TMEM132C: variants seen among roughly 807,000 people sequenced by gnomAD.
TMEM132C encodes the protein protein phosphatase 1, regulatory subunit 152.
A neutral mutation model predicts 61.4 loss-of-function variants in TMEM132C; 29 were observed. That is an observed-to-expected ratio of 0.47 (90% CI 0.35 to 0.64). The LOEUF is 0.64. Ranked by LOEUF, TMEM132C falls within the 30% of genes least tolerant of loss-of-function variation. The pLI is 0.00. For synonymous variants in TMEM132C, 656 were observed against 633.1 expected, an observed-to-expected ratio of 1.04 and a Z score of -0.54; for missense variants, 1,408 against 1,476.9, an observed-to-expected ratio of 0.95 and a Z score of 0.76.
intron 3 of TMEM132C, among the ~76,000 whole-genome samples, chr12:128,604,469 T>G (rs1165340489): frequency 6.7e-6 from 1 of 150,200 alleles, no homozygotes; most frequent in Non-Finnish European, 1.5e-5. Flanking sequence ...GATAGATAGA[T>G]GATACAAATG....
intron 2 of TMEM132C, among the ~76,000 whole-genome samples, chr12:128,533,627 A>G (rs1873408673): frequency 6.6e-6 from 1 of 151,984 alleles, no homozygotes; most frequent in Non-Finnish European, 1.5e-5. Flanking sequence ...TCCCCTTTTC[A>G]TAAGAACACT....
intron 2 of TMEM132C, among the ~76,000 whole-genome samples, chr12:128,419,619 C>T (rs1228314111): frequency 6.7e-6 from 1 of 149,104 alleles, no homozygotes; most frequent in Non-Finnish European, 1.5e-5. Flanking sequence ...GTCACTGTTT[C>T]CAAGTCTTCT....
intron 5 of TMEM132C, 57 bp downstream of exon 5, chr12:128,669,617 C>T (rs757967162): frequency 1.1e-4 from 165 of 1,533,388 alleles, no homozygotes; most frequent in Non-Finnish European, 1.2e-4. Flanking sequence ...TTGGACATCC[C>T]GTTTGCTAGG....
intron 1 of TMEM132C, among the ~76,000 whole-genome samples, chr12:128,414,020 T>G (rs1261081881): frequency 1.3e-5 from 2 of 152,238 alleles, no homozygotes; most frequent in Middle Eastern, 3.2e-3. Flanking sequence ...AGTTTGGTCT[T>G]ATGTACGGTG....
At chr12:128,482,969 C>A (rs956904954) in intron 2 of TMEM132C, among the ~76,000 whole-genome samples, 5 of 151,908 alleles carry the variant, frequency 3.3e-5, no homozygotes, top group Admixed American at 3.3e-4. Flanking sequence ...CTTGGCCAGG[C>A]ATGGTGACTC....
intron 3 of TMEM132C, among the ~76,000 whole-genome samples, chr12:128,574,924 G>A (rs1022599560): frequency 3.9e-5 from 6 of 152,012 alleles, no homozygotes; most frequent in African/African-American, 9.7e-5. Context: ...TTGTATTTGC[G>A]GCCCCTTTTC....
At chr12:128,681,018 T>G (rs146419585) in intron 5 of TMEM132C, among the ~76,000 whole-genome samples, 1 of 152,200 alleles carries the variant, frequency 6.6e-6, no homozygotes, top group Non-Finnish European at 1.5e-5. Context: ...TCGGGGAAGA[T>G]GTAGCTCTGG....
intron 5 of TMEM132C, among the ~76,000 whole-genome samples, chr12:128,676,387 T>G (rs1954587171): frequency 6.6e-6 from 1 of 152,192 alleles, no homozygotes; most frequent in Non-Finnish European, 1.5e-5. Flanking sequence ...TTTCATTTAT[T>G]TTTGTAGGCT....
chr12:128,520,340 C>T (rs1374106994), intron 2 of TMEM132C, among the ~76,000 whole-genome samples: 2 of 152,136 alleles, frequency 1.3e-5, no homozygotes, highest in Non-Finnish European at 2.9e-5. Context: ...TTTAGCTGGG[C>T]CCAGGACTAC....
rs1006215798 is a variant in TMEM132C, at chr12:128,313,118, C to T, written c.85+45631C>T. ...GGCCTGCAAGGGGGTGTCTTCTCAT[C>T]TGCTCTGGGTTGGGAAGGCAGGCTC... On this transcript the variant is annotated intron_variant, in intron 1 of 8. Coordinates refer to ENST00000435159, the MANE Select transcript of TMEM132C (RefSeq NM_001136103.3). 4.6e-5 allele frequency among the ~76,000 whole-genome samples: 7 copies of T among 152,254 alleles called. No homozygotes were observed. The South Asian group carries it at 1.4e-3, about 32-fold the overall frequency.
chr12:128,484,692 C>G (rs1409422937), intron 2 of TMEM132C, among the ~76,000 whole-genome samples: 1 of 152,172 alleles, frequency 6.6e-6, no homozygotes, highest in Non-Finnish European at 1.5e-5. Context: ...CGTGGCGACT[C>G]ATGCCTGTAA....
At chr12:128,325,193 T>C (rs954785665) in intron 1 of TMEM132C, among the ~76,000 whole-genome samples, 39 of 152,340 alleles carry the variant, frequency 2.6e-4, no homozygotes, top group African/African-American at 7.5e-4. Flanking sequence ...TAAGTGCTAG[T>C]GCTGCTGCTG....
chr12:128,338,418 G>A (rs1021944604), intron 1 of TMEM132C, among the ~76,000 whole-genome samples: 2 of 152,064 alleles, frequency 1.3e-5, no homozygotes, highest in African/African-American at 2.4e-5. Flanking sequence ...TCCTTCCTTG[G>A]CTCTCCCTTA....
intron 4 of TMEM132C, among the ~76,000 whole-genome samples, chr12:128,618,710 C>T (rs772974171): frequency 1.3e-5 from 2 of 152,134 alleles, no homozygotes; most frequent in Non-Finnish European, 2.9e-5. Flanking sequence ...TCTCTCTTCC[C>T]GTCGCCATGT....
rs1169956445 is a variant in TMEM132C, at chr12:128,570,496, T to C, written c.1121+26393T>C. ...GTGTCACTCCCCTAATGGGTGTTTT[T>C]ACTGATGCCATGAACAGAAACTAGA... On this transcript the variant is annotated intron_variant, in intron 3 of 8. Transcript: ENST00000435159. This position sits in a 1 kb window ranked among gnomAD's most constrained non-coding sequence, Gnocchi z 4.7. 6.6e-6 allele frequency among the ~76,000 whole-genome samples: 1 copy of C among 152,214 alleles called. No homozygotes were observed. The highest frequency in any genetic ancestry group is 1.5e-5 in the Non-Finnish European group (1 of 68,040).
At chr12:128,659,245 CA>C (rs1204425029) in intron 4 of TMEM132C, among the ~76,000 whole-genome samples, 11 of 152,046 alleles carry the variant, frequency 7.2e-5, no homozygotes, top group African/African-American at 2.7e-4. Context: ...AAAAACTTGC[CA>C]TGGACAGGAA....
chr12:128,378,507 A>G (rs1322310795), intron 1 of TMEM132C, among the ~76,000 whole-genome samples: 1 of 152,210 alleles, frequency 6.6e-6, no homozygotes, highest in Non-Finnish European at 1.5e-5. Context: ...GAGCAAATGC[A>G]TTCGATGCCA....
Position 128,553,715 on chromosome 12 carries a change from G to A in TMEM132C, c.1121+9612G>A, listed in dbSNP as rs139513432. On this transcript the variant is annotated intron_variant, in intron 3 of 8. Coordinates refer to ENST00000435159, the MANE Select transcript of TMEM132C (RefSeq NM_001136103.3). ...CCCCATTCTGAATCATGGAGCACAG[G>A]GAGCTGCTGTGAGGGATTTCTAGTC... is the stretch of plus-strand genomic sequence containing the variant. Among the ~76,000 whole-genome samples the A allele has an allele frequency of 1.3e-3, 200 of 152,288 alleles. 2 individuals carry two copies. Among genetic ancestry groups the A allele is most frequent in the Middle Eastern group, 6.8e-3 (2 of 294 alleles).
intron 1 of TMEM132C, among the ~76,000 whole-genome samples, chr12:128,364,691 C>G (rs7969304): frequency 3.3e-5 from 5 of 152,184 alleles, no homozygotes; most frequent in Non-Finnish European, 5.9e-5. Context: ...CTGCCTGCAC[C>G]GAGGGGGTCT....
Sources: gnomAD v4.1 joint callset for allele counts (sites outside exome capture counted in the v4.1 genomes callset) on GRCh38, gnomAD v4.1.1 for gene constraint, Gnocchi (gnomAD v3.1) non-coding constraint, MANE v1.5 for transcripts, NCBI Gene and HGNC (gene_info 2026-07-23, HGNC 2026-07-21) for gene names.